DPYSL2: variants seen among roughly 807,000 people sequenced by gnomAD.
The protein encoded by DPYSL2 is dihydropyrimidinase like 2, also known as dihydropyrimidinase-related protein 2.
A neutral mutation model predicts 69.9 loss-of-function variants in DPYSL2; 13 were observed. The ratio of observed to expected loss-of-function variants is 0.19; its 90% CI spans 0.12 to 0.30. The LOEUF (loss-of-function observed/expected upper bound fraction) is 0.30. DPYSL2 is among the 10% of genes least tolerant of loss of function. DPYSL2 has a pLI of 1.00. For synonymous variants in DPYSL2, 326 were observed against 359.1 expected (o/e 0.91, Z 1.04); for missense variants, 587 against 918.9 (o/e 0.64, Z 4.67).
In DPYSL2 at chr8:26,620,145, A is replaced by G. The variant is rs977365482; in HGVS notation, c.629-3998A>G. On this transcript the variant is annotated intron_variant, in intron 3 of 13. Transcript: ENST00000521913. This position sits in a 1 kb window ranked among gnomAD's most constrained non-coding sequence, Gnocchi z 4.5. Reference sequence around the variant, plus strand: ...TTTTTTGGTGATGTTCTAAATCTAGATTGTGGTGATGGTTGTAAGGCTTTA... The same window carrying G: ...TTTTTTGGTGATGTTCTAAATCTAGGTTGTGGTGATGGTTGTAAGGCTTTA... 1.3e-5 allele frequency: 2 copies of G among 151,948 alleles called. No individual in the cohort carries two copies. Among genetic ancestry groups the G allele is most frequent in the Non-Finnish European group, 2.9e-5 (2 of 68,034 alleles). The allele number at this position is 151,948 out of a possible 1,614,324, so 9.4% of individuals were successfully genotyped here.
At chr8:26,581,373 ATCT>A (rs1801489450) in intron 1 of DPYSL2, among the ~76,000 whole-genome samples, 1 of 147,338 alleles carries the variant, frequency 6.8e-6, no homozygotes, top group Non-Finnish European at 1.5e-5. Flanking sequence ...AAAAAGTACT[ATCT>A]TCTTTTTTTT....
At chr8:26,604,014 G>T (rs917886218) in intron 3 of DPYSL2, among the ~76,000 whole-genome samples, 1 of 152,074 alleles carries the variant, frequency 6.6e-6, no homozygotes, top group Non-Finnish European at 1.5e-5. Context: ...TGGAATTGCC[G>T]CATCATACGG....
At position 26,654,577 on chromosome 8, in the gene DPYSL2, C is replaced by G. The variant is rs141387528; in HGVS notation, c.1943-1038C>G. Among the ~76,000 whole-genome samples, 200 of 152,256 alleles carry G rather than the reference C, an allele frequency of 1.3e-3. No individual in the cohort carries two copies. The highest frequency in any genetic ancestry group is 4.6e-3 in the African/African-American group (193 of 41,546). ...GTCTGTGTTTTCTGATCTCTCAAAGCTGTTCCAATATAAGGTGCCATCGTT... is the reference window on the plus strand; with the variant it reads ...GTCTGTGTTTTCTGATCTCTCAAAGGTGTTCCAATATAAGGTGCCATCGTT... On this transcript the variant is annotated intron_variant, in intron 13 of 13. Transcript: ENST00000521913. The surrounding 1 kb of genome is among the most constrained non-coding windows in gnomAD (Gnocchi z 5.0).
rs759537547 is a variant in DPYSL2 at position 26,648,430 on chromosome 8, G to C, written c.1596+630G>C. On this transcript the variant is annotated intron_variant, in intron 11 of 13. Transcript: ENST00000521913. This position sits in a 1 kb window ranked among gnomAD's most constrained non-coding sequence, Gnocchi z 4.3. ...CTCTTGTTAACAGGACCCAGGGCAA[G>C]TCTGTTAATGTCTTACGCTCCTCAG... Among the ~76,000 whole-genome samples the C allele has an allele frequency of 1.3e-5, 2 of 152,320 alleles. No homozygotes were observed. Among genetic ancestry groups the C allele is most frequent in the East Asian group, 3.9e-4 (2 of 5,192 alleles).
intron 1 of DPYSL2, among the ~76,000 whole-genome samples, chr8:26,525,163 T>C (rs1808456091): frequency 6.6e-6 from 1 of 152,228 alleles, no homozygotes; most frequent in South Asian, 2.1e-4. Flanking sequence ...TTTAAGATTA[T>C]ATAATTATTT....
chr8:26,570,035 A>C (rs1801213052), intron 1 of DPYSL2, among the ~76,000 whole-genome samples: 1 of 152,196 alleles, frequency 6.6e-6, no homozygotes, highest in African/African-American at 2.4e-5. Context: ...TCTACTAAAA[A>C]TAAAAGTAAA....
At chr8:26,546,735 C>T (rs1800774707) in intron 1 of DPYSL2, among the ~76,000 whole-genome samples, 1 of 150,472 alleles carries the variant, frequency 6.6e-6, no homozygotes, top group Non-Finnish European at 1.5e-5. Context: ...CTGGCTCACA[C>T]GGTGAAACCT....
chr8:26,535,703 T>C (rs933748594), intron 1 of DPYSL2, among the ~76,000 whole-genome samples: 3 of 151,812 alleles, frequency 2.0e-5, no homozygotes, highest in Middle Eastern at 3.2e-3. Context: ...AATTATTATC[T>C]ACTTAGATGA....
chr8:26,567,611 G>A (rs1475270749), intron 1 of DPYSL2, among the ~76,000 whole-genome samples: 1 of 152,244 alleles, frequency 6.6e-6, no homozygotes, highest in Non-Finnish European at 1.5e-5. Flanking sequence ...AGCCCCCAGT[G>A]GGGGCATAAG....
intron 8 of DPYSL2, 54 bp downstream of exon 8, chr8:26,634,954 G>T (rs55906521): frequency 0.072 from 115,682 of 1,607,428 alleles, 4,930 homozygotes; most frequent in South Asian, 0.14. Context: ...TGGAGGGGAG[G>T]GGGGCTCCTC....
intron 1 of DPYSL2, among the ~76,000 whole-genome samples, chr8:26,521,547 G>A (rs571070970): frequency 1.3e-5 from 2 of 151,700 alleles, no homozygotes; most frequent in African/African-American, 4.8e-5. Flanking sequence ...GGTTTGAAAT[G>A]CACAATTTAA....
intron 1 of DPYSL2, among the ~76,000 whole-genome samples, chr8:26,531,807 G>T (rs1800514222): frequency 6.6e-6 from 1 of 152,114 alleles, no homozygotes; most frequent in African/African-American, 2.4e-5. Flanking sequence ...AAAAAATGAA[G>T]TAGGATGAAA....
chr8:26,577,123 C>T, intron 1 of DPYSL2: 1 of 443,728 alleles, frequency 2.3e-6, no homozygotes, highest in Non-Finnish European at 4.5e-6. Flanking sequence ...ATGCCTCCTT[C>T]CCGGCTCGGA....
chr8:26,627,313 T>A lies in DPYSL2; in HGVS notation c.936+18T>A, dbSNP rs376904203. On this transcript the variant is annotated intron_variant, in intron 6 of 13. Transcript: ENST00000521913. This position sits in a 1 kb window ranked among gnomAD's most constrained non-coding sequence, Gnocchi z 6.9. ...TTGCAGAGGTACAGGGCTTTCTTTT[T>A]CGTCATTTCTTCATCACCTGGAGGG... 1.6e-4 allele frequency: 262 copies of A among 1,613,688 alleles called. No homozygotes were observed. The highest frequency in any genetic ancestry group is 2.1e-4 in the Non-Finnish European group (246 of 1,179,712).
At position 26,627,349 on chromosome 8, in the gene DPYSL2, G is replaced by C. The variant is rs1338988695; in HGVS notation, c.936+54G>C. ...TCATCACCTGGAGGGTGAGAGGCAG[G>C]CTCAAGAAAGGGAAGCTGCATCTGT... On this transcript the variant is annotated intron_variant, in intron 6 of 13. Coordinates refer to ENST00000521913, the MANE Select transcript of DPYSL2 (RefSeq NM_001197293.3). This position sits in a 1 kb window ranked among gnomAD's most constrained non-coding sequence, Gnocchi z 6.9. The C allele has an allele frequency of 1.1e-5, 18 of 1,568,782 alleles. No homozygotes were observed. Among genetic ancestry groups the C allele is most frequent in the Non-Finnish European group, 1.6e-5 (18 of 1,139,568 alleles).
intron 1 of DPYSL2, among the ~76,000 whole-genome samples, chr8:26,541,037 A>C (rs536564833): frequency 3.9e-5 from 6 of 152,234 alleles, no homozygotes; most frequent in Non-Finnish European, 7.3e-5. Context: ...TAAACCCATC[A>C]TAAAGTCAAA....
intron 1 of DPYSL2, among the ~76,000 whole-genome samples, chr8:26,575,246 T>C (rs1312679856): frequency 2.6e-5 from 4 of 152,212 alleles, no homozygotes; most frequent in African/African-American, 7.2e-5. Flanking sequence ...TGCCTTGGCA[T>C]CCCAAAGTGC....
intron 7 of DPYSL2, 123 bp downstream of exon 7, chr8:26,628,063 A>C (rs1164406378): frequency 1.0e-6 from 1 of 994,274 alleles, no homozygotes; most frequent in Non-Finnish European, 1.5e-6. Context: ...GGTCTTTCTG[A>C]GAAGCTGTGG....
chr8:26,524,514 A>AG (rs1808442929), intron 1 of DPYSL2, among the ~76,000 whole-genome samples: 2 of 152,034 alleles, frequency 1.3e-5, no homozygotes, highest in Admixed American at 1.3e-4. Flanking sequence ...AAAATGAATG[A>AG]GGGCCGAGCG....
Sources: gnomAD v4.1 joint callset for allele counts (sites outside exome capture counted in the v4.1 genomes callset) on GRCh38, gnomAD v4.1.1 for gene constraint, Gnocchi (gnomAD v3.1) non-coding constraint, MANE v1.5 for transcripts, NCBI Gene and HGNC (gene_info 2026-07-23, HGNC 2026-07-21) for gene names.